The following CCDC150 variants were observed in gnomAD, a reference collection of about 807,000 sequenced individuals.
CCDC150 encodes coiled-coil domain containing 150.
CCDC150 carries 151 observed loss-of-function variants against 156.5 expected under a neutral mutation model. The ratio of observed to expected loss-of-function variants is 0.97; its 90% confidence interval spans 0.85 to 1.10. The LOEUF is 1.10. Among genes scored for constraint, CCDC150 ranks in the 50% least tolerant of loss-of-function variants. CCDC150 has a pLI of 0.00. For missense variants in CCDC150, 1,312 were observed against 1,268.1 expected (o/e 1.03, Z -0.53); for synonymous variants, 452 against 429.4 (o/e 1.05, Z -0.65).
chr2:196,668,548 G>A (rs934419624), intron 7 of CCDC150, among the ~76,000 whole-genome samples: 1 of 152,158 alleles, frequency 6.6e-6, no homozygotes, highest in African/African-American at 2.4e-5. Context: ...AAGGAAGCCT[G>A]TCTGAATGCC....
rs201570929 is a variant in CCDC150 at position 196,669,830 on chromosome 2, T to C, written c.893-3T>C. 18 of 1,606,190 alleles carry C rather than the reference T, an allele frequency of 1.1e-5. No individual in the cohort carries two copies. In the East Asian group the frequency reaches 4.0e-4, roughly 36 times the overall value. On this transcript the variant is annotated splice_region_variant and splice_polypyrimidine_tract_variant and intron_variant, in intron 7 of 27. Transcript: ENST00000389175. ...CATAGTTATGTGGAATTTTTGTTTT[T>C]AGCTTCTAGAGATGACCTCATTTCC... is the stretch of plus-strand genomic sequence containing the variant.
At chr2:196,712,083 AATAT>A in intron 15 of CCDC150, 58 bp from the exon 16 acceptor site, 1 of 652,062 alleles carries the variant, frequency 1.5e-6, no homozygotes, top group Non-Finnish European at 2.6e-6. Context: ...AATATGTGTA[AATAT>A]ATATGTTTAA....
intron 13 of CCDC150, among the ~76,000 whole-genome samples, chr2:196,688,171 TG>T (rs752977877): frequency 2.6e-5 from 4 of 152,252 alleles, no homozygotes; most frequent in South Asian, 4.1e-4. Context: ...GGAATAGCAT[TG>T]AATCTGTAAA....
intron 2 of CCDC150, among the ~76,000 whole-genome samples, chr2:196,648,299 G>C (rs1171186091): frequency 6.6e-6 from 1 of 152,006 alleles, no homozygotes; most frequent in Non-Finnish European, 1.5e-5. Flanking sequence ...TTGCCAGCTT[G>C]TTATCTTTCA....
At position 196,732,537 on chromosome 2, in the gene CCDC150, A is replaced by T; in HGVS notation, c.3281A>T (p.Tyr1094Phe). 1 of 1,612,238 alleles carries T rather than the reference A, an allele frequency of 6.2e-7. No homozygotes were observed. The highest frequency in any genetic ancestry group is 1.1e-5 in the South Asian group (1 of 91,054). ...KQNLRPMPKK[Y>F]HSEVQRK ...AATCTTAGGCCCATGCCCAAGAAGT[A>T]TCATTCTGAGGTACAGAGGAAGTGA... The change falls in exon 28 of 28, where the codon TAT (tyrosine) becomes TTT (phenylalanine). Residue 1094 changes from tyrosine (Y) to phenylalanine (F), a missense_variant. Tyr to Phe is a conservative substitution (Grantham distance 22). Coordinates refer to ENST00000389175, the MANE Select transcript of CCDC150 (RefSeq NM_001080539.2).
Position 196,712,148 on chromosome 2 carries a change from A to G in CCDC150, c.1699A>G (p.Lys567Glu), listed in dbSNP as rs1303676818. The change falls in exon 16 of 28, where the codon AAA (lysine) becomes GAA (glutamate). Residue 567 changes from lysine to glutamate, a missense_variant. By Grantham distance (56) the Lys-to-Glu change is moderately conservative. Coordinates refer to ENST00000389175, the MANE Select transcript of CCDC150 (RefSeq NM_001080539.2). ...LAYENGKLQI[K>E]VKQLEEQVQS... ...TGTATTTTTGTTTTTCCTCTAGATA[A>G]AAGTTAAACAGCTAGAAGAACAAGT... The G allele has an allele frequency of 2.0e-6, 3 of 1,512,174 alleles. No homozygotes were observed. In the Admixed American group the frequency reaches 6.1e-5, roughly 31 times the overall value. The allele number at this position is 1,512,174 out of a possible 1,614,324, so 93.7% of individuals were successfully genotyped here. A position where few individuals can be genotyped will look rare whatever the true frequency, so the allele number is the denominator to read the frequency against.
In CCDC150 at chr2:196,721,560, A is replaced by G. The variant is rs1190965961; in HGVS notation, c.2298A>G (p.Glu766=). ...AAAAAGCTCTAGGTGTAGCTAGAGA[A>G]GACAACAGGAAACTTGCTATGAGTC... ...SLQKALGVAR[E]DNRKLAMSLE... is the part of the protein sequence containing the mutation. The change falls in exon 21 of 28, where the codon GAA becomes GAG. Residue 766 remains glutamate (E), a synonymous_variant. Transcript: ENST00000389175. 3 of 1,608,204 alleles carry G rather than the reference A, an allele frequency of 1.9e-6. No homozygotes were observed. The highest frequency in any genetic ancestry group is 2.5e-6 in the Non-Finnish European group (3 of 1,177,648).
In CCDC150 at chr2:196,656,697, C is replaced by A; in HGVS notation, c.241C>A (p.Gln81Lys). 1 of 1,613,644 alleles carries A rather than the reference C, an allele frequency of 6.2e-7. No homozygotes were observed. The highest frequency in any genetic ancestry group is 8.5e-7 in the Non-Finnish European group (1 of 1,179,762). Residue 81 changes from glutamine (Q) to lysine (K), a missense_variant, in exon 3 of 28, where the codon CAA becomes AAA. Transcript: ENST00000389175. ...CAGCCAGAAAGTCATTAGTCCTATC[C>A]AAAATGAAGCAATTTGTGCAGGAAA... is the stretch of plus-strand genomic sequence containing the variant. ...LDSQKVISPI[Q>K]NEAICAGKTD...
rs565101029 is a variant in CCDC150 at position 196,726,478 on chromosome 2, G to T, written c.2556+379G>T. ...GAAAACAGTAGAAGATATGGTCCAT[G>T]CCCCAGTGTGTGCCAAATGACCCTT... On this transcript the variant is annotated intron_variant, in intron 22 of 27. Coordinates refer to ENST00000389175, the MANE Select transcript of CCDC150 (RefSeq NM_001080539.2). 1.7e-4 allele frequency: 28 copies of T among 164,404 alleles called. No individual in the cohort carries two copies. The South Asian group carries it at 4.8e-3, about 28-fold the overall frequency. 10.2% of individuals were successfully genotyped at this position (164,404 alleles called of 1,614,324 possible).
intron 15 of CCDC150, among the ~76,000 whole-genome samples, chr2:196,703,876 C>T (rs1376227294): frequency 6.6e-6 from 1 of 152,134 alleles, no homozygotes; most frequent in Admixed American, 6.6e-5. Context: ...TGTTCATATT[C>T]CTATAATAAG....
At chr2:196,695,264 A>G in intron 14 of CCDC150, 105 bp downstream of exon 14, 1 of 577,308 alleles carries the variant, frequency 1.7e-6, no homozygotes, top group East Asian at 2.9e-5. Flanking sequence ...TTTCATAATT[A>G]TTAAAAATCT....
chr2:196,729,424 C>T, intron 23 of CCDC150, 37 bp downstream of exon 23: 1 of 1,585,368 alleles, frequency 6.3e-7, no homozygotes, highest in Non-Finnish European at 8.7e-7. Context: ...CCTGGATACC[C>T]TGTGAGGATG....
chr2:196,720,935 A>G (rs1393331735), intron 20 of CCDC150, among the ~76,000 whole-genome samples: 3 of 152,156 alleles, frequency 2.0e-5, no homozygotes, highest in Non-Finnish European at 4.4e-5. Context: ...TTAATGCACA[A>G]AAAATGTCAG....
chr2:196,717,631 C>T (rs952682933), intron 17 of CCDC150, among the ~76,000 whole-genome samples: 3 of 152,128 alleles, frequency 2.0e-5, no homozygotes, highest in African/African-American at 4.8e-5. Flanking sequence ...GTTTCTCGCG[C>T]CTGTAACCCC....
At chr2:196,646,774 CAT>C (rs773878722) in intron 2 of CCDC150, among the ~76,000 whole-genome samples, 4 of 151,690 alleles carry the variant, frequency 2.6e-5, no homozygotes, top group South Asian at 2.1e-4. Context: ...TAAAAACAAA[CAT>C]GTAATTTTTC....
intron 15 of CCDC150, among the ~76,000 whole-genome samples, chr2:196,707,300 T>TGTTTATA (rs1443687353): frequency 6.6e-6 from 1 of 152,172 alleles, no homozygotes; most frequent in African/African-American, 2.4e-5. Flanking sequence ...TGTGTAGAGG[T>TGTTTATA]GTTTATAGTA....
chr2:196,689,083 T>C (rs1460202068), intron 13 of CCDC150, among the ~76,000 whole-genome samples: 1 of 152,164 alleles, frequency 6.6e-6, no homozygotes, highest in African/African-American at 2.4e-5. Context: ...CTGAGGGCTC[T>C]GTTCTGTTCC....
At chr2:196,729,151 T>A in intron 22 of CCDC150, 42 bp from the exon 23 acceptor site, 1 of 1,522,388 alleles carries the variant, frequency 6.6e-7, no homozygotes, top group Non-Finnish European at 8.9e-7. Context: ...CTTCTCTTAA[T>A]GGAAAGTAAA....
chr2:196,639,923 T>A, intron 1 of CCDC150, 145 bp downstream of exon 1: 1 of 720,906 alleles, frequency 1.4e-6, no homozygotes, highest in East Asian at 3.4e-5. Flanking sequence ...GGGCCCTGAT[T>A]TAAGGCGCTT....
Sources: allele counts gnomAD v4.1 joint callset (sites outside exome capture counted in the v4.1 genomes callset), GRCh38; gene constraint gnomAD v4.1.1; transcripts MANE v1.5; gene names NCBI Gene and HGNC (gene_info 2026-07-23, HGNC 2026-07-21).